The following LONRF1 variants were observed in gnomAD, a reference collection of about 807,000 sequenced individuals.
LONRF1 encodes LON peptidase N-terminal domain and ring finger 1.
Under a neutral mutation model 85.8 loss-of-function variants are expected in LONRF1, and 37 were observed. That is an observed-to-expected ratio of 0.43 (90% CI 0.33 to 0.57). The LOEUF is 0.57. Ranked by LOEUF, LONRF1 falls within the 20% of genes least tolerant of loss-of-function variation. LONRF1 has a pLI of 0.04. For synonymous variants in LONRF1, 517 were observed against 390.1 expected (o/e 1.33, Z -3.83); for missense variants, 1,036 against 978.0 (o/e 1.06, Z -0.79).
At chr8:12,730,452 T>G (rs1798485207) in intron 8 of LONRF1, among the ~76,000 whole-genome samples, 2 of 152,180 alleles carry the variant, frequency 1.3e-5, no homozygotes, top group African/African-American at 4.8e-5. Flanking sequence ...TATATAAACA[T>G]AAGGTGAAAC....
rs750072721 is a variant in LONRF1 at position 12,737,969 on chromosome 8, C to T, written c.1113+26G>A. On this transcript the variant is annotated intron_variant, in intron 4 of 11. Transcript: ENST00000398246. ...CGTAAAGAAATGGATACGCTAAACT[C>T]ATGATAACCTTGTCTCACCCCGTAC... The T allele has an allele frequency of 2.5e-6, 4 of 1,587,600 alleles. No homozygotes were observed. The African/African-American group carries it at 5.5e-5, about 22-fold the overall frequency.
At chr8:12,735,945 G>A (rs2117269303) in intron 6 of LONRF1, among the ~76,000 whole-genome samples, 1 of 152,214 alleles carries the variant, frequency 6.6e-6, no homozygotes, top group African/African-American at 2.4e-5. Context: ...AATACTAAAT[G>A]TATTATTCAA....
chr8:12,738,017 A>G lies in LONRF1; in HGVS notation c.1091T>C (p.Leu364Pro), dbSNP rs1798788172. The G allele has an allele frequency of 2.5e-6, 4 of 1,608,974 alleles. No homozygotes were observed. In the East Asian group the frequency reaches 8.9e-5, roughly 36 times the overall value. The change falls in exon 4 of 12, where the codon CTC becomes CCC. Residue 364 changes from leucine to proline, a missense_variant. By Grantham distance (98) the Leu-to-Pro change is moderately conservative. Coordinates refer to ENST00000398246, the MANE Select transcript of LONRF1 (RefSeq NM_152271.5). ...TACCTGCTTTGGGCTAGGTTCATTG[A>G]GAGACTGAGACTCTTCCATCACTGA... is the stretch of plus-strand genomic sequence containing the variant. Reference protein sequence around the residue: ...FHSVMEESQSLNEPSPKQSEE... With the variant: ...FHSVMEESQSPNEPSPKQSEE...
At chr8:12,736,545 A>C (rs900512934) in intron 6 of LONRF1, among the ~76,000 whole-genome samples, 156 bp downstream of exon 6, 1 of 152,202 alleles carries the variant, frequency 6.6e-6, no homozygotes, top group Non-Finnish European at 1.5e-5. Context: ...TATTTGCCCA[A>C]GGCATGAAAG....
chr8:12,753,456 G>C (rs998851719), intron 1 of LONRF1: 1 of 152,080 alleles, frequency 6.6e-6, no homozygotes, highest in Non-Finnish European at 1.5e-5. Context: ...CGTAACACAA[G>C]GTTTATCAAC....
Position 12,755,012 on chromosome 8 carries a change from G to C in LONRF1, c.409C>G (p.Pro137Ala). ...RGFLSEPVTV[P>A]CGHSYCRRCL... ...CGGCGGCAGTAGCTGTGGCCACAGGGCACGGTCACCGGCTCGCTCAGGAAG... is the reference window on the plus strand; with the variant it reads ...CGGCGGCAGTAGCTGTGGCCACAGGCCACGGTCACCGGCTCGCTCAGGAAG... The change falls in exon 1 of 12, where the codon CCC (proline) becomes GCC (alanine). Residue 137 changes from proline to alanine, a missense_variant. By Grantham distance (27) the Pro-to-Ala change is conservative. Coordinates refer to ENST00000398246, the MANE Select transcript of LONRF1 (RefSeq NM_152271.5). 6.7e-7 allele frequency: 1 copy of C among 1,492,782 alleles called. No homozygotes were observed. The highest frequency in any genetic ancestry group is 8.9e-7 in the Non-Finnish European group (1 of 1,128,054). The allele number at this position is 1,492,782 out of a possible 1,614,324, so 92.5% of individuals were successfully genotyped here. A position where few individuals can be genotyped will look rare whatever the true frequency, so the allele number is the denominator to read the frequency against.
chr8:12,727,740 T>C (rs1328472469), intron 10 of LONRF1, among the ~76,000 whole-genome samples: 1 of 152,216 alleles, frequency 6.6e-6, no homozygotes, highest in Admixed American at 6.5e-5. Flanking sequence ...TAACCAAGTA[T>C]GCCTAAGGCA....
chr8:12,724,059 T>G (rs761404719), intron 11 of LONRF1, among the ~76,000 whole-genome samples: 3 of 152,178 alleles, frequency 2.0e-5, no homozygotes, highest in Non-Finnish European at 4.4e-5. Context: ...TCAGTGCTGA[T>G]CTCAGTAGGC....
At chr8:12,734,489 C>A (rs1019989696) in intron 7 of LONRF1, among the ~76,000 whole-genome samples, 11 of 152,168 alleles carry the variant, frequency 7.2e-5, no homozygotes, top group East Asian at 5.8e-4. Context: ...GCAATTGCCT[C>A]TCAGAATCAC....
chr8:12,733,928 T>G (rs1383241445), intron 7 of LONRF1, among the ~76,000 whole-genome samples: 1 of 152,294 alleles, frequency 6.6e-6, no homozygotes, highest in East Asian at 1.9e-4. Flanking sequence ...AATAGTATGT[T>G]AGTTATACTT....
chr8:12,746,367 C>A (rs541208350), intron 1 of LONRF1, among the ~76,000 whole-genome samples: 12 of 152,310 alleles, frequency 7.9e-5, no homozygotes, highest in Non-Finnish European at 1.5e-4. Flanking sequence ...ACTACCCACA[C>A]TGCCCCATGT....
At chr8:12,729,486 C>T in intron 8 of LONRF1, 154 bp from the exon 9 acceptor site, 1 of 666,646 alleles carries the variant, frequency 1.5e-6, no homozygotes, top group South Asian at 2.1e-5. Context: ...TTGGCAAGAA[C>T]AAGAATCAGC....
At chr8:12,743,939 T>G (rs1799042625) in intron 1 of LONRF1, among the ~76,000 whole-genome samples, 1 of 152,182 alleles carries the variant, frequency 6.6e-6, no homozygotes, top group African/African-American at 2.4e-5. Flanking sequence ...CATCCACATC[T>G]GTACTTAAGA....
At chr8:12,731,481 T>C (rs1362706684) in intron 8 of LONRF1, among the ~76,000 whole-genome samples, 1 of 152,042 alleles carries the variant, frequency 6.6e-6, no homozygotes, top group African/African-American at 2.4e-5. Flanking sequence ...CACTGCCTGA[T>C]GGCACTGTAG....
chr8:12,729,615 G>A (rs1798452669), intron 8 of LONRF1, among the ~76,000 whole-genome samples: 1 of 151,998 alleles, frequency 6.6e-6, no homozygotes, highest in Non-Finnish European at 1.5e-5. Flanking sequence ...AGCTAAGTAT[G>A]TTTATGAATC....
At chr8:12,726,387 C>T (rs1798305739) in intron 10 of LONRF1, among the ~76,000 whole-genome samples, 1 of 152,108 alleles carries the variant, frequency 6.6e-6, no homozygotes, top group African/African-American at 2.4e-5. Flanking sequence ...CAAAAACAAA[C>T]AAAAAGCTAC....
intron 1 of LONRF1, among the ~76,000 whole-genome samples, chr8:12,743,914 G>C (rs966536964): frequency 6.6e-6 from 1 of 152,068 alleles, no homozygotes; most frequent in African/African-American, 2.4e-5. Context: ...AACGCTTTGT[G>C]ATTCATTTCA....
rs746588212 is a variant in LONRF1, at chr8:12,725,811, G to C, written c.2079C>G (p.Ser693Arg). 3 of 1,613,700 alleles carry C rather than the reference G, an allele frequency of 1.9e-6. No homozygotes were observed. Among genetic ancestry groups the C allele is most frequent in the Non-Finnish European group, 2.5e-6 (3 of 1,179,730 alleles). Residue 693 changes from serine (S) to arginine (R), a missense_variant, in exon 11 of 12, where the codon AGC becomes AGG. By Grantham distance (110) the Ser-to-Arg change is moderately radical (BLOSUM62 -1). This residue lies in a region of LONRF1 where 265 missense variants were observed against 301.5 expected (regional missense o/e 0.88). Coordinates refer to ENST00000398246, the MANE Select transcript of LONRF1 (RefSeq NM_152271.5). ...ATCTGTCTCTTAAATTCTGAAACCA[G>C]CTGCAGGCTTGAGAGTAAACCAAAT... Reference protein sequence around the residue: ...LHDLVYSQACSWFQNLRDRFR... With the variant: ...LHDLVYSQACRWFQNLRDRFR...
chr8:12,750,878 G>GT (rs979485230), intron 1 of LONRF1, among the ~76,000 whole-genome samples: 2 of 152,134 alleles, frequency 1.3e-5, no homozygotes, highest in African/African-American at 2.4e-5. Flanking sequence ...CCTTCTAGCC[G>GT]TAACACACTT....
Sources: allele counts gnomAD v4.1 joint callset (sites outside exome capture counted in the v4.1 genomes callset), GRCh38; gene constraint gnomAD v4.1.1; regional missense constraint gnomAD v4.1.1; transcripts MANE v1.5; gene names NCBI Gene and HGNC (gene_info 2026-07-23, HGNC 2026-07-21).